The following CTNNA3 variants were observed in gnomAD, a reference collection of about 807,000 sequenced individuals.
CTNNA3 encodes the protein catenin alpha-3.
In CTNNA3, 76 loss-of-function variants were observed where a neutral mutation model predicts 95.7. That is an observed-to-expected ratio of 0.79 (90% CI 0.66 to 0.96). The LOEUF (loss-of-function observed/expected upper bound fraction) is 0.96, where lower values mean the gene tolerates loss of function less well. Ranked by LOEUF, CTNNA3 falls within the 40% of genes least tolerant of loss-of-function variation. CTNNA3 has a pLI of 0.00. For synonymous variants in CTNNA3, 431 were observed against 374.4 expected (o/e 1.15, Z -1.74); for missense variants, 1,191 against 1,089.8 (o/e 1.09, Z -1.31).
chr10:66,198,423 G>A (rs760764435), intron 13 of CTNNA3, among the ~76,000 whole-genome samples: 4 of 152,124 alleles, frequency 2.6e-5, no homozygotes, highest in African/African-American at 4.8e-5. Flanking sequence ...GTGAATTGGT[G>A]TAGTCCTTGT....
At chr10:67,434,203 T>C (rs1846219835) in intron 5 of CTNNA3, among the ~76,000 whole-genome samples, 3 of 152,028 alleles carry the variant, frequency 2.0e-5, no homozygotes, top group African/African-American at 7.2e-5. Context: ...ATTTGAATCC[T>C]AAGTGTTTCT....
intron 12 of CTNNA3, among the ~76,000 whole-genome samples, chr10:66,340,445 G>A (rs1442454867): frequency 1.3e-5 from 2 of 151,688 alleles, no homozygotes; most frequent in African/African-American, 2.4e-5. Context: ...CTGTTTGTTT[G>A]TTTTACGTAC....
At chr10:66,091,739 C>T (rs1488473124) in intron 14 of CTNNA3, among the ~76,000 whole-genome samples, 1 of 151,510 alleles carries the variant, frequency 6.6e-6, no homozygotes, top group Admixed American at 6.6e-5. Flanking sequence ...TAAAAAGGTG[C>T]TATTCAAGAG....
At chr10:66,778,080 G>T (rs987413208) in intron 7 of CTNNA3, among the ~76,000 whole-genome samples, 3 of 152,056 alleles carry the variant, frequency 2.0e-5, no homozygotes, top group Non-Finnish European at 4.4e-5. Context: ...ACATTTCATT[G>T]TCTAGGCAAT....
chr10:66,729,044 A>C, intron 9 of CTNNA3, among the ~76,000 whole-genome samples: 1 of 152,194 alleles, frequency 6.6e-6, no homozygotes, highest in Non-Finnish European at 1.5e-5. Flanking sequence ...AAGTTTGTCT[A>C]AGATTAGATG....
At chr10:67,698,225 G>A (rs1309966891), upstream of CTNNA3, among the ~76,000 whole-genome samples, 1 of 150,490 alleles carries the variant, frequency 6.6e-6, no homozygotes, top group Non-Finnish European at 1.5e-5. Flanking sequence ...AAACATTGAG[G>A]GTAGAAGAGC....
At chr10:66,490,229 T>G (rs1411495664) in intron 11 of CTNNA3, among the ~76,000 whole-genome samples, 1 of 152,178 alleles carries the variant, frequency 6.6e-6, no homozygotes. Flanking sequence ...TTTTAGCTAT[T>G]TACCCTACTA....
chr10:66,396,923 C>A (rs2132546914), intron 11 of CTNNA3, among the ~76,000 whole-genome samples: 1 of 151,680 alleles, frequency 6.6e-6, no homozygotes, highest in Non-Finnish European at 1.5e-5. Context: ...TAGAATATAA[C>A]AAACCAATAT....
intron 12 of CTNNA3, among the ~76,000 whole-genome samples, chr10:66,291,000 A>T (rs10762047): frequency 1.3e-5 from 2 of 151,902 alleles, no homozygotes; most frequent in Non-Finnish European, 2.9e-5. Flanking sequence ...GGATTACAAA[A>T]TATGATAACC....
intron 5 of CTNNA3, among the ~76,000 whole-genome samples, chr10:67,513,098 T>G (rs1839692809): frequency 2.0e-5 from 3 of 152,212 alleles, no homozygotes; most frequent in African/African-American, 7.2e-5. Context: ...TATAGATAAA[T>G]GTTAAAAGCA....
intron 11 of CTNNA3, among the ~76,000 whole-genome samples, chr10:66,481,854 C>T (rs1415121036): frequency 6.6e-6 from 1 of 151,860 alleles, no homozygotes; most frequent in Non-Finnish European, 1.5e-5. Flanking sequence ...TGTGTTGGTC[C>T]ACGTTGGTCC....
chr10:67,695,199 G>T (rs1014347082), intron 1 of CTNNA3, among the ~76,000 whole-genome samples: 1 of 152,144 alleles, frequency 6.6e-6, no homozygotes, highest in Non-Finnish European at 1.5e-5. Context: ...GCAAATCATT[G>T]CATTCTCACG....
intron 5 of CTNNA3, among the ~76,000 whole-genome samples, chr10:67,496,447 T>A (rs568034564): frequency 3.3e-5 from 5 of 152,172 alleles, no homozygotes; most frequent in African/African-American, 9.6e-5. Flanking sequence ...CTTGCCTTTT[T>A]AAAAAAAATC....
At chr10:66,054,662 C>G (rs1021228992) in intron 15 of CTNNA3, among the ~76,000 whole-genome samples, 2 of 151,964 alleles carry the variant, frequency 1.3e-5, no homozygotes, top group African/African-American at 2.4e-5. Flanking sequence ...TTTTTTCCAT[C>G]CCGTGGGTTG....
intron 13 of CTNNA3, among the ~76,000 whole-genome samples, chr10:66,232,324 C>A (rs1398239489): frequency 1.3e-5 from 2 of 152,110 alleles, no homozygotes; most frequent in African/African-American, 4.8e-5. Context: ...GATTTCAGTT[C>A]TCTTAAGTTA....
chr10:67,761,510 A>G (rs1331696167), intron 1 of CTNNA3, among the ~76,000 whole-genome samples: 1 of 152,200 alleles, frequency 6.6e-6, no homozygotes, highest in Non-Finnish European at 1.5e-5. Flanking sequence ...GGCACCAAGA[A>G]AGGTTTTCTG....
chr10:67,270,586 C>T (rs763878081), intron 5 of CTNNA3, among the ~76,000 whole-genome samples: 27 of 152,034 alleles, frequency 1.8e-4, no homozygotes, highest in Non-Finnish European at 2.8e-4. Flanking sequence ...AATATAAGGG[C>T]TGTCTTAAGC....
intron 5 of CTNNA3, among the ~76,000 whole-genome samples, chr10:67,342,827 G>A (rs906667702): frequency 6.6e-6 from 1 of 152,188 alleles, no homozygotes; most frequent in African/African-American, 2.4e-5. Flanking sequence ...GTACCATGCA[G>A]TATTGGTTAC....
rs1250057122 is a variant in CTNNA3 at position 66,520,711 on chromosome 10, C to A, written c.1437G>T (p.Met479Ile). ...RPKSQAVKNT[M>I]EMYKRTWENH... The stretch of plus-strand genomic sequence containing the variant: ...TCTCCCATGTACGCTTGTACATTTC[C>A]ATGGTGTTTTTGACCGCTTGACTTT... Residue 479 changes from methionine (M) to isoleucine (I), a missense_variant, in exon 11 of 18, where the codon ATG becomes ATT. Coordinates refer to ENST00000433211, the MANE Select transcript of CTNNA3 (RefSeq NM_013266.4). 1 of 1,612,134 alleles carries A rather than the reference C, an allele frequency of 6.2e-7. No individual in the cohort carries two copies. Among genetic ancestry groups the A allele is most frequent in the Non-Finnish European group, 8.5e-7 (1 of 1,179,104 alleles).
Sources: allele counts gnomAD v4.1 joint callset (sites outside exome capture counted in the v4.1 genomes callset), GRCh38; gene constraint gnomAD v4.1.1; transcripts MANE v1.5; gene names NCBI Gene and HGNC (gene_info 2026-07-23, HGNC 2026-07-21).